Variants in LUZP2 observed in about 807,000 individuals in gnomAD.
LUZP2 encodes leucine zipper protein 2.
LUZP2 carries 52 observed loss-of-function variants against 51.6 expected under a neutral mutation model. That is an observed-to-expected ratio of 1.01 (90% CI 0.81 to 1.27). LUZP2 has a LOEUF of 1.27. Ranked by LOEUF, LUZP2 falls within the 50% of genes most tolerant of loss-of-function variation. The pLI, the probability that LUZP2 is intolerant of heterozygous loss-of-function variation, is 0.00. For missense variants in LUZP2, 436 were observed against 395.4 expected, an observed-to-expected ratio of 1.10 and a Z score of -0.87; for synonymous variants, 154 against 137.3, an observed-to-expected ratio of 1.12 and a Z score of -0.85.
At chr11:24,694,120 A>C (rs917845716) in intron 1 of LUZP2, among the ~76,000 whole-genome samples, 2 of 152,076 alleles carry the variant, frequency 1.3e-5, no homozygotes, top group Admixed American at 1.3e-4. Context: ...TCTAAGTAAA[A>C]GGCAACAGTT....
intron 7 of LUZP2, among the ~76,000 whole-genome samples, chr11:24,972,570 C>T (rs1263631254): frequency 6.6e-6 from 1 of 152,084 alleles, no homozygotes; most frequent in Non-Finnish European, 1.5e-5. Flanking sequence ...TAGTGAAAGA[C>T]AACAATGTTG....
intron 1 of LUZP2, among the ~76,000 whole-genome samples, chr11:24,586,697 A>T (rs1431126659): frequency 6.6e-6 from 1 of 152,116 alleles, no homozygotes; most frequent in Non-Finnish European, 1.5e-5. Flanking sequence ...TGTGAATGGT[A>T]CAAGCAAGAT....
intron 5 of LUZP2, among the ~76,000 whole-genome samples, chr11:24,838,994 G>A (rs188237101): frequency 1.7e-4 from 25 of 151,504 alleles, no homozygotes; most frequent in African/African-American, 6.0e-4. Flanking sequence ...TCACATTCTA[G>A]GCACTTTATA....
intron 10 of LUZP2, among the ~76,000 whole-genome samples, chr11:25,054,157 A>G (rs1456117553): frequency 6.6e-6 from 1 of 152,104 alleles, no homozygotes; most frequent in Non-Finnish European, 1.5e-5. Context: ...TTGGGGTGGT[A>G]GTTTTTCTGT....
intron 1 of LUZP2, among the ~76,000 whole-genome samples, chr11:24,636,677 A>G (rs888139772): frequency 6.6e-6 from 1 of 152,214 alleles, no homozygotes; most frequent in East Asian, 1.9e-4. Context: ...AATCCAGCCC[A>G]CAATCTTCAC....
chr11:25,010,703 C>T (rs1856958760), intron 9 of LUZP2, among the ~76,000 whole-genome samples: 1 of 151,848 alleles, frequency 6.6e-6, no homozygotes, highest in African/African-American at 2.4e-5. Context: ...AAAAATTAGC[C>T]AGGCATGGTG....
intron 7 of LUZP2, among the ~76,000 whole-genome samples, chr11:24,922,864 T>TTTTTTTTTTTTTTTTTG (rs1854108138): frequency 7.8e-6 from 1 of 127,972 alleles, no homozygotes; most frequent in Non-Finnish European, 1.6e-5. Context: ...TTTTTTTTTT[T>TTTTTTTTTTTTTTTTTG]TTTAGAGGGA....
intron 1 of LUZP2, among the ~76,000 whole-genome samples, chr11:24,589,060 C>T (rs1318196321): frequency 6.6e-6 from 1 of 152,074 alleles, no homozygotes; most frequent in Admixed American, 6.6e-5. Flanking sequence ...TCTGCTCTTC[C>T]ACTTCATGTG....
intron 1 of LUZP2, among the ~76,000 whole-genome samples, chr11:24,698,100 C>T (rs1480150680): frequency 6.6e-6 from 1 of 152,178 alleles, no homozygotes; most frequent in African/African-American, 2.4e-5. Flanking sequence ...TGAGAAATAT[C>T]TCCTGTCATT....
chr11:24,754,888 G>A (rs532345219), intron 4 of LUZP2, among the ~76,000 whole-genome samples: 2 of 152,306 alleles, frequency 1.3e-5, no homozygotes, highest in South Asian at 4.1e-4. Flanking sequence ...GCTCACATCT[G>A]TAATCCCAGC....
At chr11:24,522,917 T>G (rs1036104228) in intron 1 of LUZP2, among the ~76,000 whole-genome samples, 11 of 152,090 alleles carry the variant, frequency 7.2e-5, no homozygotes, top group African/African-American at 2.7e-4. Flanking sequence ...AATACTGTTC[T>G]AACACAAACT....
At chr11:24,874,200 G>A (rs1852174021) in intron 5 of LUZP2, among the ~76,000 whole-genome samples, 2 of 152,108 alleles carry the variant, frequency 1.3e-5, no homozygotes, top group African/African-American at 2.4e-5. Flanking sequence ...AATATGGCCT[G>A]GGACCAAGAT....
chr11:24,996,536 G>A (rs10834569), intron 9 of LUZP2, among the ~76,000 whole-genome samples: 6 of 150,714 alleles, frequency 4.0e-5, no homozygotes, highest in Admixed American at 1.3e-4. Flanking sequence ...GAATTCTCAC[G>A]TTACAATTAT....
intron 5 of LUZP2, among the ~76,000 whole-genome samples, chr11:24,897,545 G>A (rs186355557): frequency 9.2e-5 from 14 of 152,120 alleles, no homozygotes; most frequent in Admixed American, 5.9e-4. Context: ...CACTCACCGC[G>A]AAGGTCTGCA....
intron 9 of LUZP2, among the ~76,000 whole-genome samples, chr11:25,044,287 A>ATG: frequency 7.4e-6 from 1 of 135,640 alleles, no homozygotes; most frequent in Non-Finnish European, 1.6e-5. Flanking sequence ...ATATATATAT[A>ATG]TATAGTCTGA....
rs75624426 is a variant in LUZP2, at chr11:24,549,967, C to G, written c.62+52662C>G. Among the ~76,000 whole-genome samples, 4 of 152,106 alleles carry G rather than the reference C, an allele frequency of 2.6e-5. No homozygotes were observed. The East Asian group carries it at 5.8e-4, about 22-fold the overall frequency. ...CATCATGTCCTAGGCTAGAAAAAGACTTGTTAGTACATATCAACAGGAGAA... is the reference window on the plus strand; with the variant it reads ...CATCATGTCCTAGGCTAGAAAAAGAGTTGTTAGTACATATCAACAGGAGAA... On this transcript the variant is annotated intron_variant, in intron 1 of 11. Coordinates refer to ENST00000336930, the MANE Select transcript of LUZP2 (RefSeq NM_001009909.4).
chr11:24,738,508 C>A (rs1028774669), intron 4 of LUZP2, among the ~76,000 whole-genome samples: 1 of 152,000 alleles, frequency 6.6e-6, no homozygotes, highest in Non-Finnish European at 1.5e-5. Context: ...ATTAGGGGGT[C>A]GTCTAATTCC....
intron 4 of LUZP2, among the ~76,000 whole-genome samples, chr11:24,756,833 C>T (rs185868180): frequency 2.3e-4 from 35 of 152,210 alleles, no homozygotes; most frequent in African/African-American, 8.2e-4. Flanking sequence ...AGATTGCTTC[C>T]CCTGCTCAGA....
At chr11:24,508,950 T>A (rs991760422) in intron 1 of LUZP2, among the ~76,000 whole-genome samples, 1 of 152,108 alleles carries the variant, frequency 6.6e-6, no homozygotes, top group Non-Finnish European at 1.5e-5. Context: ...AAGGTCAGGA[T>A]CCTGAGACAA....
Sources: allele counts gnomAD v4.1 joint callset (sites outside exome capture counted in the v4.1 genomes callset), GRCh38; gene constraint gnomAD v4.1.1; transcripts MANE v1.5; gene names NCBI Gene and HGNC (gene_info 2026-07-23, HGNC 2026-07-21).